Variants in PDE4D observed in about 807,000 individuals in gnomAD.
PDE4D encodes the protein 3',5'-cyclic-AMP phosphodiesterase 4D.
In PDE4D, 24 loss-of-function variants were observed where a neutral mutation model predicts 87.4. That is an observed-to-expected ratio of 0.27 (90% CI 0.20 to 0.39). The LOEUF (loss-of-function observed/expected upper bound fraction) is 0.39, where lower values mean the gene tolerates loss of function less well. PDE4D is among the 10% of genes least tolerant of loss of function. The pLI is 1.00. For missense variants in PDE4D, 714 were observed against 1,041.0 expected (o/e 0.69, Z 4.32); for synonymous variants, 384 against 383.2 (o/e 1.00, Z -0.02).
intron 1 of PDE4D, among the ~76,000 whole-genome samples, chr5:60,366,029 G>T (rs1449405316): frequency 1.4e-5 from 2 of 140,388 alleles, no homozygotes; most frequent in Non-Finnish European, 3.0e-5. Context: ...GGGTGACAGA[G>T]TAAGACTCTG....
chr5:59,080,739 A>G (rs917417074), intron 5 of PDE4D, among the ~76,000 whole-genome samples: 1 of 152,166 alleles, frequency 6.6e-6, no homozygotes, highest in Non-Finnish European at 1.5e-5. Context: ...ATCTGTACCA[A>G]TCCTGACAGG....
At chr5:60,369,062 C>A (rs1760791810) in intron 1 of PDE4D, among the ~76,000 whole-genome samples, 1 of 151,978 alleles carries the variant, frequency 6.6e-6, no homozygotes, top group Admixed American at 6.6e-5. Flanking sequence ...CTCCTTCTCT[C>A]CTCTGTGTTC....
At chr5:59,570,077 T>C (rs973717189) in intron 1 of PDE4D, among the ~76,000 whole-genome samples, 1 of 152,248 alleles carries the variant, frequency 6.6e-6, no homozygotes, top group African/African-American at 2.4e-5. Flanking sequence ...ATATCATACT[T>C]GGCTTCCTGG....
At chr5:59,945,457 G>C (rs1476129847) in intron 3 of PDE4D, among the ~76,000 whole-genome samples, 1 of 152,168 alleles carries the variant, frequency 6.6e-6, no homozygotes, top group Non-Finnish European at 1.5e-5. Context: ...AAAGGGCTGA[G>C]GTTAAGAGAG....
At chr5:59,832,552 T>A (rs1741401152) in intron 1 of PDE4D, among the ~76,000 whole-genome samples, 3 of 152,074 alleles carry the variant, frequency 2.0e-5, no homozygotes, top group African/African-American at 7.2e-5. Flanking sequence ...CTACAGAATA[T>A]GTTTAGACAA....
At chr5:59,318,846 T>C (rs755228258) in intron 1 of PDE4D, among the ~76,000 whole-genome samples, 3 of 152,136 alleles carry the variant, frequency 2.0e-5, no homozygotes, top group Admixed American at 6.6e-5. Context: ...TGCTATGTTA[T>C]AGAAGTCTAG....
rs1781043442 is a variant in PDE4D at position 60,146,872 on chromosome 5, T to C, written c.42+38685A>G. Among the ~76,000 whole-genome samples the C allele has an allele frequency of 2.6e-5, 4 of 152,230 alleles. No homozygotes were observed. The South Asian group carries it at 8.3e-4, about 32-fold the overall frequency. On this transcript the variant is annotated intron_variant, in intron 2 of 16. Transcript: ENST00000502484. ...AATGGCCAACAGATATATGAAAAAG[T>C]GGTCAACATCACTAATCATAGGAAA...
chr5:58,992,060 CAT>C, intron 7 of PDE4D, 56 bp from the exon 8 acceptor site: 7 of 1,031,506 alleles, frequency 6.8e-6, no homozygotes, highest in Middle Eastern at 2.7e-4. Flanking sequence ...TGTTTTATAT[CAT>C]ATGCATAATT....
intron 1 of PDE4D, among the ~76,000 whole-genome samples, chr5:59,429,492 T>C (rs950979377): frequency 2.6e-5 from 4 of 152,174 alleles, no homozygotes; most frequent in Admixed American, 6.5e-5. Flanking sequence ...TGTGTAGATA[T>C]AATTAGAAAA....
chr5:59,909,998 C>T lies in PDE4D; in HGVS notation c.272+78490G>A, dbSNP rs977400348. Among the ~76,000 whole-genome samples the T allele has an allele frequency of 9.2e-5, 14 of 152,292 alleles. No homozygotes were observed. In the East Asian group the frequency reaches 1.4e-3, roughly 15 times the overall value. ...CCCCCACCATCGTACTTCTCTGCAA[C>T]GTGGAAAAACCTCTACTTATTCACT... On this transcript the variant is annotated intron_variant, in intron 3 of 16. Coordinates refer to the PDE4D transcript ENST00000502484.
At chr5:59,394,210 G>C (rs1044224383) in intron 1 of PDE4D, among the ~76,000 whole-genome samples, 5 of 152,122 alleles carry the variant, frequency 3.3e-5, no homozygotes, top group African/African-American at 1.2e-4. Context: ...CTGTCTCATC[G>C]GCAAGCCTGC....
intron 1 of PDE4D, among the ~76,000 whole-genome samples, chr5:59,714,376 T>C (rs1452376101): frequency 3.9e-5 from 6 of 152,180 alleles, no homozygotes; most frequent in African/African-American, 1.2e-4. Context: ...GGTGGAAATG[T>C]TGAGCTTTTT....
At chr5:59,075,284 T>G (rs1765502836) in intron 5 of PDE4D, among the ~76,000 whole-genome samples, 1 of 152,160 alleles carries the variant, frequency 6.6e-6, no homozygotes, top group Non-Finnish European at 1.5e-5. Flanking sequence ...ATGATGAAAC[T>G]TATTTCTTTG....
intron 2 of PDE4D, among the ~76,000 whole-genome samples, chr5:60,085,030 A>T (rs1774385736): frequency 6.6e-6 from 1 of 152,120 alleles, no homozygotes. Flanking sequence ...TGCCCATTTT[A>T]TTTTTCCTAA....
At chr5:59,407,791 T>C (rs954597791) in intron 1 of PDE4D, among the ~76,000 whole-genome samples, 1 of 152,132 alleles carries the variant, frequency 6.6e-6, no homozygotes, top group African/African-American at 2.4e-5. Flanking sequence ...AACTTAAGAG[T>C]TAATGACTTA....
chr5:60,367,746 A>G (rs1204826379), intron 1 of PDE4D, among the ~76,000 whole-genome samples: 4 of 152,164 alleles, frequency 2.6e-5, no homozygotes, highest in Non-Finnish European at 5.9e-5. Flanking sequence ...GAATCTGAAG[A>G]ATAAGCACTG....
intron 1 of PDE4D, chr5:60,459,746 ACAGGGC>A: frequency 1.7e-5 from 7 of 403,620 alleles, no homozygotes; most frequent in South Asian, 6.0e-5. Context: ...GACCTCAACA[ACAGGGC>A]AACAGAGCAC....
chr5:60,341,000 T>C (rs1287522831), intron 1 of PDE4D, among the ~76,000 whole-genome samples: 1 of 152,194 alleles, frequency 6.6e-6, no homozygotes, highest in Non-Finnish European at 1.5e-5. Flanking sequence ...ATACAACAAG[T>C]ACACCATAAA....
At chr5:59,545,070 G>A (rs557576825) in intron 1 of PDE4D, among the ~76,000 whole-genome samples, 3 of 152,268 alleles carry the variant, frequency 2.0e-5, no homozygotes, top group Admixed American at 2.0e-4. Context: ...AAGAACCTCA[G>A]AGGTAAAGAG....
Sources: allele counts gnomAD v4.1 joint callset (sites outside exome capture counted in the v4.1 genomes callset), GRCh38; gene constraint gnomAD v4.1.1; transcripts MANE v1.5; gene names NCBI Gene and HGNC (gene_info 2026-07-23, HGNC 2026-07-21).